Variants in LDHA observed in about 807,000 individuals in gnomAD.
LDHA encodes L-lactate dehydrogenase A chain.
Under a neutral mutation model 36.3 loss-of-function variants are expected in LDHA, and 10 were observed. The observed-to-expected ratio is 0.28, with a 90% CI of 0.17 to 0.47. The LOEUF is 0.47. LDHA is among the 20% of genes least tolerant of loss of function. LDHA has a pLI of 0.99. For synonymous variants in LDHA, 110 were observed against 136.7 expected, an observed-to-expected ratio of 0.80 and a Z score of 1.36; for missense variants, 267 against 405.8, an observed-to-expected ratio of 0.66 and a Z score of 2.94.
At position 18,401,210 on chromosome 11, in the gene LDHA, C is replaced by T. The variant is rs1056041168; in HGVS notation, c.418+200C>T. 4.7e-5 allele frequency among the ~76,000 whole-genome samples: 7 copies of T among 150,202 alleles called. No individual in the cohort carries two copies. The South Asian group carries it at 1.0e-3, about 22-fold the overall frequency. On this transcript the variant is annotated intron_variant, in intron 4 of 7. Transcript: ENST00000422447. ...TGTCGCCCAGGTTGGAGTGCAGTGG[C>T]GCAATCTGGGCTCACTGCAACCTCT...
chr11:18,403,092 C>A, intron 5 of LDHA, 79 bp downstream of exon 5: 3 of 1,195,748 alleles, frequency 2.5e-6, no homozygotes, highest in Non-Finnish European at 3.7e-6. Context: ...TCAATTAGAG[C>A]CTAATCAAAT....
intron 6 of LDHA, among the ~76,000 whole-genome samples, chr11:18,404,547 G>A (rs1351303238): frequency 6.6e-6 from 1 of 152,148 alleles, no homozygotes; most frequent in African/African-American, 2.4e-5. Context: ...GGTGGCTCAT[G>A]CCTGTAATCC....
intron 7 of LDHA, among the ~76,000 whole-genome samples, chr11:18,406,203 A>G (rs1024804018): frequency 5.7e-4 from 86 of 151,868 alleles, no homozygotes; most frequent in Non-Finnish European, 1.1e-3. Context: ...TGACCTTGTG[A>G]TCCACCCGCC....
At position 18,407,591 on chromosome 11, in the gene LDHA, C is replaced by T. The variant is rs201495225; in HGVS notation, c.*310C>T. On this transcript the variant is annotated 3_prime_UTR_variant, in exon 8 of 8. Coordinates refer to ENST00000422447, the MANE Select transcript of LDHA (RefSeq NM_005566.4). ...GCCCCTTGAGCCAGGTGGATGTTTA[C>T]CGTGTGTTATATAACTTCCTGGCTC... The T allele has an allele frequency of 5.9e-6, 4 of 674,862 alleles. No homozygotes were observed. Among genetic ancestry groups the T allele is most frequent in the Non-Finnish European group, 1.1e-5 (4 of 369,974 alleles). The allele number at this position is 674,862 out of a possible 1,614,324, so 41.8% of individuals were successfully genotyped here.
intron 1 of LDHA, chr11:18,394,853 C>T (rs1037458775): frequency 6.5e-5 from 23 of 353,474 alleles, no homozygotes; most frequent in African/African-American, 3.4e-4. Flanking sequence ...TAAGCGGGAA[C>T]CATGGCTTCT....
intron 6 of LDHA, among the ~76,000 whole-genome samples, chr11:18,405,058 T>G (rs1866635422): frequency 6.6e-6 from 1 of 152,208 alleles, no homozygotes; most frequent in Non-Finnish European, 1.5e-5. Context: ...CCACTTGAGA[T>G]AATCCTGAGT....
intron 3 of LDHA, 57 bp downstream of exon 3, chr11:18,399,605 A>G (rs1301059091): frequency 3.1e-6 from 4 of 1,289,066 alleles, no homozygotes; most frequent in Admixed American, 1.7e-5. Flanking sequence ...CTTTTTCCAG[A>G]TGGTCTCCAT....
In LDHA at chr11:18,394,579, C is replaced by G; in HGVS notation, c.-82C>G. Reference sequence around the variant, plus strand: ...CAGCTCAGAGTGCTGCAGCCGCTGCCGCCGATTCCGGATCTCATTGCCACG... The same window carrying G: ...CAGCTCAGAGTGCTGCAGCCGCTGCGGCCGATTCCGGATCTCATTGCCACG... On this transcript the variant is annotated 5_prime_UTR_variant, in exon 1 of 8. Coordinates refer to ENST00000422447, the MANE Select transcript of LDHA (RefSeq NM_005566.4). 1 of 454,126 alleles carries G rather than the reference C, an allele frequency of 2.2e-6. No homozygotes were observed. The highest frequency in any genetic ancestry group is 6.9e-5 in the East Asian group (1 of 14,394). 28.1% of individuals were successfully genotyped at this position (454,126 alleles called of 1,614,324 possible).
intron 4 of LDHA, chr11:18,402,563 G>A (rs118185287): frequency 1.3e-5 from 5 of 375,446 alleles, no homozygotes; most frequent in Non-Finnish European, 2.5e-5. Context: ...CTCCCAAAGT[G>A]TTGGGATAAC....
intron 3 of LDHA, 92 bp from the exon 4 acceptor site, chr11:18,400,745 G>A (rs1590213767): frequency 1.1e-6 from 1 of 875,744 alleles, no homozygotes; most frequent in Non-Finnish European, 1.9e-6. Context: ...GAACAAGAAA[G>A]GTTTGTGGAG....
chr11:18,405,549 C>A lies in LDHA; in HGVS notation c.811C>A (p.His271Asn), dbSNP rs759838023. The A allele has an allele frequency of 6.2e-7, 1 of 1,613,852 alleles. No individual in the cohort carries two copies. Among genetic ancestry groups the A allele is most frequent in the Non-Finnish European group, 8.5e-7 (1 of 1,179,806 alleles). ...TATAATGAAGAATCTTAGGCGGGTG[C>A]ACCCAGTTTCCACCATGATTAAGGT... ...ESIMKNLRRV[H>N]PVSTMIKGLY... is the part of the protein sequence containing the mutation. The change falls in exon 7 of 8, where the codon CAC becomes AAC. Residue 271 changes from histidine to asparagine, a missense_variant. Physicochemically the swap from His to Asn is moderately conservative, Grantham distance 68 (BLOSUM62 1). Transcript: ENST00000422447.
chr11:18,403,450 T>C (rs1209705493), intron 5 of LDHA, among the ~76,000 whole-genome samples: 1 of 152,206 alleles, frequency 6.6e-6, no homozygotes, highest in Non-Finnish European at 1.5e-5. Flanking sequence ...ATTTCAAATA[T>C]ACATGGGTTA....
chr11:18,402,809 TG>T (rs1866552556), intron 4 of LDHA, 30 bp from the exon 5 acceptor site: 10 of 1,557,186 alleles, frequency 6.4e-6, no homozygotes, highest in Non-Finnish European at 8.9e-6. Flanking sequence ...GAGAGGATAA[TG>T]GGTGATTTTT....
rs1554961827 is a variant in LDHA at position 18,407,102 on chromosome 11, T to TTTTC, written c.835-15_835-14insTTTC. Reference sequence around the variant, plus strand: ...GACAAAATGTGAGATTTTTTTTTTTTCATTTCATCTTCAGGGTCTTTACGG... The same window carrying TTTTC: ...GACAAAATGTGAGATTTTTTTTTTTTTTTCCATTTCATCTTCAGGGTCTTTACGG... On this transcript the variant is annotated splice_polypyrimidine_tract_variant and intron_variant, in intron 7 of 7. Transcript: ENST00000422447. 6.3e-7 allele frequency: 1 copy of TTTTC among 1,593,578 alleles called. No homozygotes were observed. The highest frequency in any genetic ancestry group is 8.6e-7 in the Non-Finnish European group (1 of 1,169,432).
At chr11:18,399,248 C>T in intron 2 of LDHA, 183 bp from the exon 3 acceptor site, 1 of 588,094 alleles carries the variant, frequency 1.7e-6, no homozygotes, top group Non-Finnish European at 3.1e-6. Context: ...TCAGTGCTAT[C>T]TATGTAGGGT....
At chr11:18,400,412 T>G in intron 3 of LDHA, 1 of 289,928 alleles carries the variant, frequency 3.4e-6, no homozygotes, top group East Asian at 9.0e-5. Flanking sequence ...TAAAAACAAG[T>G]CCCCCTACCA....
intron 2 of LDHA, chr11:18,397,529 AGGC>A (rs1866344395): frequency 6.6e-6 from 1 of 152,272 alleles, no homozygotes; most frequent in African/African-American, 2.4e-5. Flanking sequence ...AAAATGTCTG[AGGC>A]GGGGCACAGT....
At chr11:18,402,064 C>T (rs1280730855) in intron 4 of LDHA, among the ~76,000 whole-genome samples, 1 of 144,868 alleles carries the variant, frequency 6.9e-6, no homozygotes, top group Non-Finnish European at 1.5e-5. Flanking sequence ...TCAAGCAATT[C>T]TCCTGCCTCA....
chr11:18,407,457 T>C lies in LDHA; in HGVS notation c.*176T>C. The C allele has an allele frequency of 8.0e-7, 1 of 1,244,888 alleles. No individual in the cohort carries two copies. Among genetic ancestry groups the C allele is most frequent in the Non-Finnish European group, 1.1e-6 (1 of 870,720 alleles). 77.1% of individuals were successfully genotyped at this position (1,244,888 alleles called of 1,614,324 possible). A position where few individuals can be genotyped will look rare whatever the true frequency, so the allele number is the denominator to read the frequency against. On this transcript the variant is annotated 3_prime_UTR_variant, in exon 8 of 8. Coordinates refer to ENST00000422447, the MANE Select transcript of LDHA (RefSeq NM_005566.4). ...AAGAATGGTTTGTAAAATCCACAGCTATATCCTGATGCTGGATGGTATTAA... is the reference window on the plus strand; with the variant it reads ...AAGAATGGTTTGTAAAATCCACAGCCATATCCTGATGCTGGATGGTATTAA...
Sources: gnomAD v4.1 joint callset for allele counts (sites outside exome capture counted in the v4.1 genomes callset) on GRCh38, gnomAD v4.1.1 for gene constraint, MANE v1.5 for transcripts, NCBI Gene and HGNC (gene_info 2026-07-23, HGNC 2026-07-21) for gene names.